Variants in FRMD4A observed in about 807,000 individuals in gnomAD.
FRMD4A encodes FERM domain containing 4A.
In FRMD4A, 29 loss-of-function variants were observed where a neutral mutation model predicts 129.1. The ratio of observed to expected loss-of-function variants is 0.22; its 90% CI spans 0.17 to 0.31. The LOEUF (loss-of-function observed/expected upper bound fraction) is 0.31. Ranked by LOEUF, FRMD4A falls within the 10% of genes least tolerant of loss-of-function variation. FRMD4A has a pLI of 1.00. For missense variants in FRMD4A, 1,272 were observed against 1,375.8 expected, an observed-to-expected ratio of 0.92 and a Z score of 1.19; for synonymous variants, 634 against 571.6, an observed-to-expected ratio of 1.11 and a Z score of -1.56.
chr10:14,254,797 GA>G (rs994080604), intron 2 of FRMD4A, among the ~76,000 whole-genome samples: 8 of 151,050 alleles, frequency 5.3e-5, no homozygotes, highest in African/African-American at 1.9e-4. Flanking sequence ...TAATAAAATC[GA>G]AAAAAAATAA....
At chr10:13,927,428 T>C (rs1193768034) in intron 2 of FRMD4A, among the ~76,000 whole-genome samples, 5 of 152,194 alleles carry the variant, frequency 3.3e-5, no homozygotes, top group Non-Finnish European at 7.3e-5. Context: ...GAAGATTGAT[T>C]TTTACAGCTT....
At chr10:13,817,253 G>A (rs1022156975) in intron 3 of FRMD4A, among the ~76,000 whole-genome samples, 1 of 152,200 alleles carries the variant, frequency 6.6e-6, no homozygotes. Context: ...AAGGAGAGGA[G>A]CTCTCAGTCA....
chr10:13,822,140 G>A (rs1443028109), intron 3 of FRMD4A, among the ~76,000 whole-genome samples: 1 of 152,096 alleles, frequency 6.6e-6, no homozygotes, highest in Non-Finnish European at 1.5e-5. Context: ...ATGTTTTCAT[G>A]TATATGCACA....
rs1005540160 is a variant in FRMD4A at position 14,080,852 on chromosome 10, C to G, written c.46-221940G>C. 2.6e-5 allele frequency among the ~76,000 whole-genome samples: 4 copies of G among 151,652 alleles called. No individual in the cohort carries two copies. The East Asian group carries it at 7.9e-4, about 30-fold the overall frequency. ...GATTGTCAAAATAAGGAACTGATCT[C>G]CAGGAGATAAATTCGTCAAGTAGAA... On this transcript the variant is annotated intron_variant, in intron 2 of 24. Transcript: ENST00000357447.
chr10:13,765,101 A>ATTTTTTTTTTTTTTTTTTTTTTTT (rs10708906), intron 6 of FRMD4A, among the ~76,000 whole-genome samples: 7 of 125,276 alleles, frequency 5.6e-5, no homozygotes, highest in African/African-American at 8.8e-5. Flanking sequence ...TCAAGGATTG[A>ATTTTTTTTTTTTTTTTTTTTTTTT]TTTTTTTTTT....
At chr10:14,247,545 G>GTC (rs1844285956) in intron 2 of FRMD4A, among the ~76,000 whole-genome samples, 1 of 151,904 alleles carries the variant, frequency 6.6e-6, no homozygotes, top group South Asian at 2.1e-4. Context: ...CGCTCTTTCT[G>GTC]TCTCTCTCTT....
intron 21 of FRMD4A, among the ~76,000 whole-genome samples, chr10:13,659,013 G>A (rs1346672294): frequency 2.6e-5 from 4 of 152,016 alleles, no homozygotes; most frequent in African/African-American, 9.7e-5. Flanking sequence ...GGCCTCAGTA[G>A]AAAGATAGAA....
At chr10:13,668,778 G>A (rs773798724) in intron 17 of FRMD4A, among the ~76,000 whole-genome samples, 7 of 152,152 alleles carry the variant, frequency 4.6e-5, no homozygotes, top group Admixed American at 2.6e-4. Context: ...CCAGCAACAG[G>A]GGGAGTTGAA....
At chr10:13,786,069 C>A (rs2092851903) in intron 5 of FRMD4A, among the ~76,000 whole-genome samples, 1 of 152,154 alleles carries the variant, frequency 6.6e-6, no homozygotes, top group Admixed American at 6.6e-5. Flanking sequence ...GTGAATAGTG[C>A]CACAATAAAC....
At chr10:13,974,183 A>T (rs191400981) in intron 2 of FRMD4A, among the ~76,000 whole-genome samples, 124 of 152,282 alleles carry the variant, frequency 8.1e-4, no homozygotes, top group African/African-American at 2.8e-3. Flanking sequence ...TTTAAAAATT[A>T]AAAAAGTGAA....
intron 2 of FRMD4A, among the ~76,000 whole-genome samples, chr10:14,097,705 T>C (rs940366246): frequency 3.3e-5 from 5 of 151,362 alleles, no homozygotes; most frequent in Non-Finnish European, 7.4e-5. Flanking sequence ...TTTAGTTTTA[T>C]ATATTTTAGG....
intron 2 of FRMD4A, among the ~76,000 whole-genome samples, chr10:14,093,028 G>T (rs1414213678): frequency 6.6e-6 from 1 of 152,146 alleles, no homozygotes; most frequent in Non-Finnish European, 1.5e-5. Context: ...AGAGCTCCCT[G>T]CATCACTTCT....
At chr10:14,039,455 AATCTATCT>A (rs71388152) in intron 2 of FRMD4A, among the ~76,000 whole-genome samples, 7,062 of 63,942 alleles carry the variant, frequency 0.11, 237 homozygotes, top group East Asian at 0.15. Flanking sequence ...AAAATCAATC[AATCTATCT>A]ATCTATCTAT....
chr10:14,136,712 CCAATGTACAT>C (rs1839555305), intron 2 of FRMD4A, among the ~76,000 whole-genome samples: 1 of 150,172 alleles, frequency 6.7e-6, no homozygotes, highest in African/African-American at 2.4e-5. Context: ...CCTGGCTGAA[CCAATGTACAT>C]CAATGTACAT....
At chr10:13,669,557 T>C (rs1294684006) in intron 17 of FRMD4A, among the ~76,000 whole-genome samples, 2 of 152,190 alleles carry the variant, frequency 1.3e-5, no homozygotes, top group Non-Finnish European at 2.9e-5. Flanking sequence ...TTTCTTAAAA[T>C]ACTAAAAATG....
In FRMD4A at chr10:14,237,537, G is replaced by A. The variant is rs541557358; in HGVS notation, c.45+92521C>T. ...GTAGAAATGGGGTTTCACCATGTTG[G>A]CCAGGCTGGTCTCGAACTCCTGACC... On this transcript the variant is annotated intron_variant, in intron 2 of 24. Transcript: ENST00000357447. Among the ~76,000 whole-genome samples, 434 of 151,984 alleles carry A rather than the reference G, an allele frequency of 2.9e-3. 4 individuals are homozygous for A. The highest frequency in any genetic ancestry group is 1.0e-2 in the African/African-American group (413 of 41,424).
At position 13,666,098 on chromosome 10, in the gene FRMD4A, G is replaced by C. The variant is rs144250082; in HGVS notation, c.1602C>G (p.Asp534Glu). The change falls in exon 18 of 25, where the codon GAC (aspartate) becomes GAG (glutamate). Residue 534 changes from aspartate to glutamate, a missense_variant and splice_region_variant. Asp to Glu is a conservative substitution (Grantham distance 45). Transcript: ENST00000357447. The stretch of plus-strand genomic sequence containing the variant: ...GGGGGCAGCCCGGTTGGCACTGACC[G>C]TCTATGATCAGCGAAGCCCTCTGGG... The part of the protein sequence containing the change: ...KPTQRASLII[D>E]DGNIASEDSS... 1 of 1,589,492 alleles carries C rather than the reference G, an allele frequency of 6.3e-7. No homozygotes were observed. The highest frequency in any genetic ancestry group is 8.6e-7 in the Non-Finnish European group (1 of 1,157,514).
At position 13,994,013 on chromosome 10, in the gene FRMD4A, CT is replaced by C. The variant is rs551387633; in HGVS notation, c.46-135102del. 3.9e-3 allele frequency among the ~76,000 whole-genome samples: 527 copies of C among 134,498 alleles called. 5 individuals carry two copies. Among genetic ancestry groups the C allele is most frequent in the African/African-American group, 9.2e-3 (337 of 36,670 alleles). 88.2% of individuals were successfully genotyped at this position (134,498 alleles called of 152,430 possible). A position where few individuals can be genotyped will look rare whatever the true frequency, so the allele number is the denominator to read the frequency against. On this transcript the variant is annotated intron_variant, in intron 2 of 24. Transcript: ENST00000357447. ...TGTAGATATTTAGGGTGGGACAGTC[CT>C]TTTTTTTTTTTTTGAGATGGAGCCT...
At chr10:13,934,353 T>G (rs189032116) in intron 2 of FRMD4A, among the ~76,000 whole-genome samples, 1 of 152,366 alleles carries the variant, frequency 6.6e-6, no homozygotes, top group East Asian at 1.9e-4. Context: ...GTCTGAACTC[T>G]TTTCCTCCAC....
Sources: allele counts gnomAD v4.1 joint callset (sites outside exome capture counted in the v4.1 genomes callset), GRCh38; gene constraint gnomAD v4.1.1; transcripts MANE v1.5; gene names NCBI Gene and HGNC (gene_info 2026-07-23, HGNC 2026-07-21).